Variants in NPAP1 observed in about 807,000 individuals in gnomAD.
The protein encoded by NPAP1 is nuclear pore-associated protein 1.
For synonymous variants in NPAP1, 616 were observed against 581.4 expected, an observed-to-expected ratio of 1.06 and a Z score of -0.86; for missense variants, 1,483 against 1,454.5, an observed-to-expected ratio of 1.02 and a Z score of -0.32.
rs2141312812 is a variant in NPAP1, at chr15:24,678,522, A to G, written c.2655A>G (p.Thr885=). 6.2e-7 allele frequency: 1 copy of G among 1,614,094 alleles called. No homozygotes were observed. Among genetic ancestry groups the G allele is most frequent in the Non-Finnish European group, 8.5e-7 (1 of 1,180,010 alleles). The change falls in exon 1 of 1, where the codon ACA becomes ACG. Residue 885 remains threonine, a synonymous_variant. Transcript: ENST00000329468. ...CACAGGCAGATAGGAGACCAACCAC[A>G]ACTTCCAGCCATCCTTTAAATACAG... The part of the protein sequence containing the change: ...FPAQADRRPT[T]TSSHPLNTGS...
In NPAP1 at chr15:24,682,744, TA is replaced by T. The variant is rs546129701; in HGVS notation, c.*3416del. The T allele has an allele frequency of 7.6e-4, 123 of 162,080 alleles. No individual in the cohort carries two copies. The East Asian group carries it at 9.3e-3, about 12-fold the overall frequency. The allele number at this position is 162,080 out of a possible 1,614,324, so 10.0% of individuals were successfully genotyped here. A position where few individuals can be genotyped will look rare whatever the true frequency, so the allele number is the denominator to read the frequency against. ...TTTTTCTCCTTGAACTCTTTTCCCA[TA>T]AAAAAAAAATGTTTTTGGTTTCTAG... On this transcript the variant is annotated 3_prime_UTR_variant, in exon 1 of 1. Transcript: ENST00000329468.
Position 24,679,369 on chromosome 15 carries a change from A to T in NPAP1, c.*31A>T. On this transcript the variant is annotated 3_prime_UTR_variant, in exon 1 of 1. Transcript: ENST00000329468. The stretch of plus-strand genomic sequence containing the variant: ...CCTGTGGTTCACCTGATCACACCAC[A>T]TCAGTTGTGGTTGTAAATACCAGCA... The T allele has an allele frequency of 1.4e-6, 2 of 1,464,914 alleles. No homozygotes were observed. The highest frequency in any genetic ancestry group is 2.4e-5 in the South Asian group (2 of 84,620). The allele number at this position is 1,464,914 out of a possible 1,614,324, so 90.7% of individuals were successfully genotyped here.
Position 24,675,987 on chromosome 15 carries a change from T to G in NPAP1, c.120T>G (p.Ser40=), listed in dbSNP as rs907181578. ...CCTCCCCGCCCGGTCGGGCTCACTC[T>G]GTACCCACCCCGCGCCCTTTCCGCG... ...RDASPPGRAH[S]VPTPRPFRGL... Residue 40 remains serine, a synonymous_variant, in exon 1 of 1, where the codon TCT becomes TCG. Coordinates refer to ENST00000329468, the MANE Select transcript of NPAP1 (RefSeq NM_018958.3). The G allele has an allele frequency of 6.2e-7, 1 of 1,601,344 alleles. No homozygotes were observed. Among genetic ancestry groups the G allele is most frequent in the Non-Finnish European group, 8.5e-7 (1 of 1,175,172 alleles).
Position 24,677,055 on chromosome 15 carries a change from G to A in NPAP1, c.1188G>A (p.Gln396=), listed in dbSNP as rs774736182. 1 of 1,613,972 alleles carries A rather than the reference G, an allele frequency of 6.2e-7. No individual in the cohort carries two copies. Among genetic ancestry groups the A allele is most frequent in the Admixed American group, 1.7e-5 (1 of 60,014 alleles). Residue 396 remains glutamine (Q), a synonymous_variant, in exon 1 of 1, where the codon CAG becomes CAA. Transcript: ENST00000329468. ...CCATGACAAACAGCAGCATCACCCAGCCTGCCCCTTCTTTCTCCCAACCTG... is the reference window on the plus strand; with the variant it reads ...CCATGACAAACAGCAGCATCACCCAACCTGCCCCTTCTTTCTCCCAACCTG... ...TETMTNSSIT[Q]PAPSFSQPVQ... is the part of the protein sequence containing the mutation.
chr15:24,679,568 T>C lies in NPAP1; in HGVS notation c.*230T>C. The C allele has an allele frequency of 1.8e-6, 1 of 556,716 alleles. No individual in the cohort carries two copies. Among genetic ancestry groups the C allele is most frequent in the Non-Finnish European group, 3.3e-6 (1 of 304,890 alleles). The allele number at this position is 556,716 out of a possible 1,614,324, so 34.5% of individuals were successfully genotyped here. The stretch of plus-strand genomic sequence containing the variant: ...CAAAACACAGGTGGTGCATCTGCAG[T>C]GAATGGCAACATATCTTTAATTAGA... On this transcript the variant is annotated 3_prime_UTR_variant, in exon 1 of 1. Transcript: ENST00000329468.
chr15:24,677,424 G>A lies in NPAP1; in HGVS notation c.1557G>A (p.Met519Ile). The A allele has an allele frequency of 6.2e-7, 1 of 1,614,032 alleles. No homozygotes were observed. The change falls in exon 1 of 1, where the codon ATG (methionine) becomes ATA (isoleucine). Residue 519 changes from methionine to isoleucine, a missense_variant. By Grantham distance (10) the Met-to-Ile change is conservative. Transcript: ENST00000329468. ...PPVTRESPIS[M>I]CVDSPPPLSF... ...TCACAAGGGAGTCCCCAATATCTAT[G>A]TGTGTGGATTCCCCTCCTCCTCTTT...
Position 24,676,873 on chromosome 15 carries a change from C to A in NPAP1, c.1006C>A (p.Leu336Met). 6.2e-7 allele frequency: 1 copy of A among 1,613,368 alleles called. No individual in the cohort carries two copies. The highest frequency in any genetic ancestry group is 8.5e-7 in the Non-Finnish European group (1 of 1,180,030). The change falls in exon 1 of 1, where the codon CTG becomes ATG. Residue 336 changes from leucine (L) to methionine (M), a missense_variant. By Grantham distance (15) the Leu-to-Met change is conservative. Transcript: ENST00000329468. ...CKRKMSIPLL[L>M]PLPPSLPLLW... ...AAGGAAAATGTCGATTCCATTGCTG[C>A]TGCCGCTGCCCCCTTCACTGCCATT... is the stretch of plus-strand genomic sequence containing the variant.
rs2141314329 is a variant in NPAP1, at chr15:24,679,196, T to G, written c.3329T>G (p.Ile1110Arg). 6.2e-7 allele frequency: 1 copy of G among 1,614,198 alleles called. No individual in the cohort carries two copies. The highest frequency in any genetic ancestry group is 2.2e-5 in the East Asian group (1 of 44,890). Residue 1110 changes from isoleucine to arginine, a missense_variant, in exon 1 of 1, where the codon ATA (isoleucine) becomes AGA (arginine). Transcript: ENST00000329468. ...SGMGGDGTRS[I>R]VGGPCVPAFQ... Reference sequence around the variant, plus strand: ...ATGGGAGGGGATGGCACCAGATCCATAGTTGGAGGCCCTTGTGTTCCTGCT... The same window carrying G: ...ATGGGAGGGGATGGCACCAGATCCAGAGTTGGAGGCCCTTGTGTTCCTGCT...
At position 24,680,722 on chromosome 15, in the gene NPAP1, C is replaced by CCA. The variant is rs2049011840; in HGVS notation, c.*1384_*1385insCA. The CCA allele has an allele frequency of 6.2e-6, 1 of 162,368 alleles. No homozygotes were observed. The highest frequency in any genetic ancestry group is 2.7e-5 in the African/African-American group (1 of 37,040). The allele number at this position is 162,368 out of a possible 1,614,324, so 10.1% of individuals were successfully genotyped here. Reference sequence around the variant, plus strand: ...GGAGGGTAGAGGAAACCTGGCTTGACTGTTAACTTGGCTGACCCTACCTCT... The same window carrying CCA: ...GGAGGGTAGAGGAAACCTGGCTTGACCATGTTAACTTGGCTGACCCTACCTCT... On this transcript the variant is annotated 3_prime_UTR_variant, in exon 1 of 1. Coordinates refer to ENST00000329468, the MANE Select transcript of NPAP1 (RefSeq NM_018958.3).
chr15:24,676,707 G>A lies in NPAP1; in HGVS notation c.840G>A (p.Val280=), dbSNP rs2048978501. The part of the protein sequence containing the change: ...SLLQQKLAAE[V]LNEEPPPSSL... ...TGCAGCAGAAGTTGGCTGCGGAAGT[G>A]CTGAATGAAGAGCCACCGCCCAGCT... Residue 280 remains valine, a synonymous_variant, in exon 1 of 1, where the codon GTG becomes GTA. Transcript: ENST00000329468. The A allele has an allele frequency of 1.9e-6, 3 of 1,614,072 alleles. No homozygotes were observed. Among genetic ancestry groups the A allele is most frequent in the Non-Finnish European group, 1.7e-6 (2 of 1,180,038 alleles).
In NPAP1 at chr15:24,675,814, G is replaced by T; in HGVS notation, c.-54G>T. 5.5e-6 allele frequency: 7 copies of T among 1,265,296 alleles called. No homozygotes were observed. The South Asian group carries it at 1.1e-4, about 20-fold the overall frequency. 78.4% of individuals were successfully genotyped at this position (1,265,296 alleles called of 1,614,324 possible). Reference sequence around the variant, plus strand: ...CGCCAGAGGAGGCGGTGGCTGAGGAGAGTTGAGTCCACTGCTGACCCTGTT... The same window carrying T: ...CGCCAGAGGAGGCGGTGGCTGAGGATAGTTGAGTCCACTGCTGACCCTGTT... On this transcript the variant is annotated 5_prime_UTR_variant, in exon 1 of 1. Transcript: ENST00000329468.
rs2141307832 is a variant in NPAP1 at position 24,676,355 on chromosome 15, A to C, written c.488A>C (p.Asp163Ala). 6 of 1,542,782 alleles carry C rather than the reference A, an allele frequency of 3.9e-6. No homozygotes were observed. Among genetic ancestry groups the C allele is most frequent in the Non-Finnish European group, 5.2e-6 (6 of 1,148,662 alleles). Residue 163 changes from aspartate (D) to alanine (A), a missense_variant, in exon 1 of 1, where the codon GAT (aspartate) becomes GCT (alanine). Asp to Ala is a moderately radical substitution (Grantham distance 126). Transcript: ENST00000329468. Reference protein sequence around the residue: ...AQEGPRRVKKDEDPVQIEGED... With the variant: ...AQEGPRRVKKAEDPVQIEGED... Reference sequence around the variant, plus strand: ...GAAGGGCCCAGAAGAGTGAAGAAGGATGAGGATCCGGTGCAGATCGAAGGG... The same window carrying C: ...GAAGGGCCCAGAAGAGTGAAGAAGGCTGAGGATCCGGTGCAGATCGAAGGG...
Position 24,678,451 on chromosome 15 carries a change from C to T in NPAP1, c.2584C>T (p.His862Tyr). Residue 862 changes from histidine to tyrosine, a missense_variant, in exon 1 of 1, where the codon CAC becomes TAC. Transcript: ENST00000329468. ...MGLPGSGNTL[H>Y]SDSIASAQVS... ...GCTTCCTGGTTCTGGGAACACACTA[C>T]ACAGTGACAGCATTGCCTCAGCCCA... 2 of 1,614,208 alleles carry T rather than the reference C, an allele frequency of 1.2e-6. No homozygotes were observed. The highest frequency in any genetic ancestry group is 3.3e-5 in the Admixed American group (2 of 60,028).
Position 24,679,303 on chromosome 15 carries a change from T to C in NPAP1, c.3436T>C (p.Tyr1146His), listed in dbSNP as rs1212258446. 6.2e-7 allele frequency: 1 copy of C among 1,613,662 alleles called. No homozygotes were observed. The highest frequency in any genetic ancestry group is 1.7e-5 in the Admixed American group (1 of 60,002). The change falls in exon 1 of 1, where the codon TAT becomes CAT. Residue 1146 changes from tyrosine (Y) to histidine (H), a missense_variant. Transcript: ENST00000329468. ...SSTHYYGQETYVRRHVCFQLP is the reference protein window; with the variant it reads ...SSTHYYGQETHVRRHVCFQLP ...CACCCACTACTATGGACAAGAAACA[T>C]ATGTTAGGAGACATGTCTGTTTCCA...
chr15:24,679,692 A>G lies in NPAP1; in HGVS notation c.*354A>G. ...GGAGTGTCAACATTCATTTGATAGA[A>G]GGCCCTCATGTGCCCATGTATCAGC... On this transcript the variant is annotated 3_prime_UTR_variant, in exon 1 of 1. Coordinates refer to ENST00000329468, the MANE Select transcript of NPAP1 (RefSeq NM_018958.3). 1 of 261,146 alleles carries G rather than the reference A, an allele frequency of 3.8e-6. No homozygotes were observed. Among genetic ancestry groups the G allele is most frequent in the Non-Finnish European group, 7.9e-6 (1 of 126,516 alleles). 16.2% of individuals were successfully genotyped at this position (261,146 alleles called of 1,614,324 possible). A position where few individuals can be genotyped will look rare whatever the true frequency, so the allele number is the denominator to read the frequency against.
chr15:24,681,337 T>C lies in NPAP1; in HGVS notation c.*1999T>C, dbSNP rs2049015166. On this transcript the variant is annotated 3_prime_UTR_variant, in exon 1 of 1. Coordinates refer to ENST00000329468, the MANE Select transcript of NPAP1 (RefSeq NM_018958.3). The stretch of plus-strand genomic sequence containing the variant: ...TGACTTATAAGCTTTTGTTGTAATT[T>C]GTTATATACATAGGGATGGATAGAC... 6.0e-6 allele frequency: 1 copy of C among 166,520 alleles called. No homozygotes were observed. Among genetic ancestry groups the C allele is most frequent in the Non-Finnish European group, 1.5e-5 (1 of 68,114 alleles). 10.3% of individuals were successfully genotyped at this position (166,520 alleles called of 1,614,324 possible). A position where few individuals can be genotyped will look rare whatever the true frequency, so the allele number is the denominator to read the frequency against.
rs765337506 is a variant in NPAP1, at chr15:24,678,069, A to T, written c.2202A>T (p.Gln734His). 2 of 1,613,594 alleles carry T rather than the reference A, an allele frequency of 1.2e-6. No homozygotes were observed. Among genetic ancestry groups the T allele is most frequent in the South Asian group, 1.1e-5 (1 of 91,064 alleles). The change falls in exon 1 of 1, where the codon CAA becomes CAT. Residue 734 changes from glutamine (Q) to histidine (H), a missense_variant. Coordinates refer to ENST00000329468, the MANE Select transcript of NPAP1 (RefSeq NM_018958.3). ...GGCTTCCTGGTTCTGGGAACACACA[A>T]CCCAGCGGCAACACTGCCTCAGTCC... The part of the protein sequence containing the change: ...YLGLPGSGNT[Q>H]PSGNTASVQG...
In NPAP1 at chr15:24,677,733, C is replaced by A. The variant is rs769667622; in HGVS notation, c.1866C>A (p.Ser622=). 3.1e-6 allele frequency: 5 copies of A among 1,614,154 alleles called. No homozygotes were observed. The highest frequency in any genetic ancestry group is 4.2e-6 in the Non-Finnish European group (5 of 1,180,050). ...CGGGAAAGACATCAGTCTACACATCCCCACTTCCATTTATATTCCACAATA... is the reference window on the plus strand; with the variant it reads ...CGGGAAAGACATCAGTCTACACATCACCACTTCCATTTATATTCCACAATA... ...RHPGKTSVYT[S]PLPFIFHNTT... is the part of the protein sequence containing the mutation. The change falls in exon 1 of 1, where the codon TCC becomes TCA. Residue 622 remains serine, a synonymous_variant. Transcript: ENST00000329468.
Position 24,676,599 on chromosome 15 carries a change from C to T in NPAP1, c.732C>T (p.Ser244=), listed in dbSNP as rs773409255. The T allele has an allele frequency of 2.5e-5, 41 of 1,613,918 alleles. No homozygotes were observed. The highest frequency in any genetic ancestry group is 4.0e-5 in the African/African-American group (3 of 74,934). Residue 244 remains serine, a synonymous_variant, in exon 1 of 1, where the codon AGC becomes AGT. Transcript: ENST00000329468. ...GCCCTGCCATGCCCAGCACACACAG[C>T]CAGGCCGGATGTGCCCGGCATCTTG... The part of the protein sequence containing the change: ...LEGPAMPSTH[S]QAGCARHLGK...
Sources: gnomAD v4.1 joint callset for allele counts on GRCh38, gnomAD v4.1.1 for gene constraint, MANE v1.5 for transcripts, NCBI Gene and HGNC (gene_info 2026-07-23, HGNC 2026-07-21) for gene names.